DCDC2: variants seen among roughly 807,000 people sequenced by gnomAD.
The protein encoded by DCDC2 is doublecortin domain containing 2.
Under a neutral mutation model 50.2 loss-of-function variants are expected in DCDC2, and 40 were observed. The observed-to-expected ratio is 0.80, with a 90% CI of 0.62 to 1.04. DCDC2 has a LOEUF of 1.04. Among genes scored for constraint, DCDC2 ranks in the 50% least tolerant of loss-of-function variants. The pLI, the probability that DCDC2 is intolerant of heterozygous loss-of-function variation, is 0.00. For synonymous variants in DCDC2, 234 were observed against 210.6 expected (o/e 1.11, Z -0.96); for missense variants, 570 against 581.9 (o/e 0.98, Z 0.21).
intron 7 of DCDC2, among the ~76,000 whole-genome samples, chr6:24,271,741 G>A (rs928728426): frequency 4.6e-5 from 7 of 152,130 alleles, no homozygotes; most frequent in South Asian, 2.1e-4. Context: ...ACACAGCATC[G>A]GCAGCACAAT....
At chr6:24,198,474 C>T (rs1019428413) in intron 8 of DCDC2, among the ~76,000 whole-genome samples, 3 of 152,324 alleles carry the variant, frequency 2.0e-5, no homozygotes, top group Middle Eastern at 3.4e-3. Context: ...CATTCCAGCC[C>T]GGATGCTACA....
At chr6:24,302,894 C>G (rs1464822200) in intron 2 of DCDC2, among the ~76,000 whole-genome samples, 8 of 152,064 alleles carry the variant, frequency 5.3e-5, no homozygotes, top group African/African-American at 1.9e-4. Flanking sequence ...GGCACACACA[C>G]TCTCAGCAGG....
At chr6:24,364,867 T>G in the DCDC2 span, among the ~76,000 whole-genome samples, 2 of 152,166 alleles carry the variant, frequency 1.3e-5, no homozygotes, top group African/African-American at 4.8e-5. Flanking sequence ...TTAGCCAGTA[T>G]TGAGTTTTAA....
chr6:24,199,327 C>A (rs1761528764), intron 8 of DCDC2, among the ~76,000 whole-genome samples: 1 of 152,216 alleles, frequency 6.6e-6, no homozygotes, highest in South Asian at 2.1e-4. Flanking sequence ...AGGCAGCAAT[C>A]TTTGCTGTTC....
chr6:24,200,307 A>C (rs1761555975), intron 8 of DCDC2, among the ~76,000 whole-genome samples: 1 of 152,222 alleles, frequency 6.6e-6, no homozygotes, highest in Non-Finnish European at 1.5e-5. Context: ...CCAGCAGTGA[A>C]TCTCTCTGCA....
chr6:24,200,669 C>A (rs993138437), intron 8 of DCDC2, among the ~76,000 whole-genome samples: 1 of 152,060 alleles, frequency 6.6e-6, no homozygotes, highest in African/African-American at 2.4e-5. Flanking sequence ...TAAATGTAAA[C>A]GGGCTAAACG....
intron 7 of DCDC2, among the ~76,000 whole-genome samples, chr6:24,259,400 G>T (rs1012308671): frequency 6.6e-6 from 1 of 152,064 alleles, no homozygotes; most frequent in Admixed American, 6.6e-5. Flanking sequence ...AGTGATATTC[G>T]CAGTCACCAT....
intron 4 of DCDC2, among the ~76,000 whole-genome samples, chr6:24,298,493 A>C (rs536694156): frequency 1.3e-5 from 2 of 152,356 alleles, no homozygotes; most frequent in Non-Finnish European, 2.9e-5. Flanking sequence ...CTTGAATCCC[A>C]GCCCTGCTAC....
At chr6:24,374,577 C>CAAAA in the DCDC2 span, among the ~76,000 whole-genome samples, 36,984 of 57,138 alleles carry the variant, frequency 0.65, 12,761 homozygotes, top group Non-Finnish European at 0.7. Flanking sequence ...AGACTCCATC[C>CAAAA]AAAAAAAAAA....
rs1000996910 is a variant in DCDC2, at chr6:24,174,630, T to C, written c.*100A>G. 1.0e-5 allele frequency: 8 copies of C among 768,004 alleles called. No individual in the cohort carries two copies. The highest frequency in any genetic ancestry group is 6.9e-5 in the African/African-American group (4 of 57,662). 47.6% of individuals were successfully genotyped at this position (768,004 alleles called of 1,614,324 possible). On this transcript the variant is annotated 3_prime_UTR_variant, in exon 10 of 10. Coordinates refer to ENST00000378454, the MANE Select transcript of DCDC2 (RefSeq NM_016356.5). The stretch of plus-strand genomic sequence containing the variant: ...ATAATTCGTAGGTAGTATTCGACCA[T>C]AGTGTCACATTATATTCAGCAATAA...
chr6:24,246,282 T>C (rs1762669266), intron 7 of DCDC2, among the ~76,000 whole-genome samples: 1 of 152,170 alleles, frequency 6.6e-6, no homozygotes, highest in Non-Finnish European at 1.5e-5. Context: ...TGATATACTA[T>C]GTTTACTCTT....
chr6:24,347,652 G>C (rs1211916816), intron 2 of DCDC2, among the ~76,000 whole-genome samples: 1 of 152,048 alleles, frequency 6.6e-6, no homozygotes, highest in Non-Finnish European at 1.5e-5. Context: ...CTTGGATTTT[G>C]GTGTCCTCAG....
chr6:24,206,315 G>A (rs1045461943), intron 7 of DCDC2, among the ~76,000 whole-genome samples: 4 of 152,078 alleles, frequency 2.6e-5, no homozygotes, highest in Admixed American at 6.6e-5. Flanking sequence ...GATGAGGAAG[G>A]GCAATAGCAG....
the DCDC2 span, among the ~76,000 whole-genome samples, chr6:24,366,439 G>A: frequency 0.018 from 2,748 of 152,314 alleles, 55 homozygotes; most frequent in African/African-American, 0.052. Flanking sequence ...AGCAAGTTTA[G>A]AGGCCGAGAT....
chr6:24,341,289 AC>A (rs1293969447), intron 2 of DCDC2, among the ~76,000 whole-genome samples: 3 of 152,200 alleles, frequency 2.0e-5, no homozygotes, highest in African/African-American at 7.2e-5. Context: ...TAAAAGTTCT[AC>A]CCCCAGCTAA....
chr6:24,291,121 A>T, intron 4 of DCDC2, 43 bp from the exon 5 acceptor site: 1 of 1,563,514 alleles, frequency 6.4e-7, no homozygotes, highest in Non-Finnish European at 8.7e-7. Flanking sequence ...TTTAACCAAC[A>T]TTTAAAGAAT....
At position 24,172,210 on chromosome 6, in the gene DCDC2, T is replaced by C. The variant is rs927922380; in HGVS notation, c.*2520A>G. ...TAATTCCAAGTGAATGGTTTTTTCC[T>C]TGGCTAGGCACCTTTTTTTAGTAAC... On this transcript the variant is annotated 3_prime_UTR_variant, in exon 10 of 10. Coordinates refer to ENST00000378454, the MANE Select transcript of DCDC2 (RefSeq NM_016356.5). The C allele has an allele frequency of 6.6e-6, 1 of 152,256 alleles. No individual in the cohort carries two copies. Among genetic ancestry groups the C allele is most frequent in the African/African-American group, 2.4e-5 (1 of 41,464 alleles). 9.4% of individuals were successfully genotyped at this position (152,256 alleles called of 1,614,324 possible).
chr6:24,248,001 G>A (rs767217315), intron 7 of DCDC2, among the ~76,000 whole-genome samples: 2 of 152,116 alleles, frequency 1.3e-5, no homozygotes, highest in South Asian at 2.1e-4. Flanking sequence ...ACTTGAACAC[G>A]GGAGGCAGAA....
At chr6:24,360,275 G>C (rs914824424), upstream of DCDC2, among the ~76,000 whole-genome samples, 2 of 152,226 alleles carry the variant, frequency 1.3e-5, no homozygotes, top group African/African-American at 2.4e-5. Context: ...TGGAGGAAGA[G>C]GGAGAAACAG....
Sources: gnomAD v4.1 joint callset for allele counts (sites outside exome capture counted in the v4.1 genomes callset) on GRCh38, gnomAD v4.1.1 for gene constraint, MANE v1.5 for transcripts, NCBI Gene and HGNC (gene_info 2026-07-23, HGNC 2026-07-21) for gene names.